The following MRPL34 variants were observed in gnomAD, a reference collection of about 807,000 sequenced individuals.
MRPL34 encodes the protein mitochondrial ribosomal protein L34, also known as large ribosomal subunit protein bL34m.
A neutral mutation model predicts 6.7 loss-of-function variants in MRPL34; 8 were observed. That is an observed-to-expected ratio of 1.20 (90% confidence interval 0.70 to 2.16). MRPL34 has a LOEUF of 2.16. Ranked by LOEUF, MRPL34 falls within the 30% of genes most tolerant of loss-of-function variation. The probability of loss-of-function intolerance (pLI) is 0.00; values close to 1 mark genes in which losing one functional copy is unlikely to be tolerated. For missense variants in MRPL34, 146 were observed against 125.5 expected (o/e 1.16, Z -0.78); for synonymous variants, 59 against 55.1 (o/e 1.07, Z -0.31).
upstream of MRPL34, among the ~76,000 whole-genome samples, chr19:17,299,243 C>CCCCA (rs1555720805): frequency 6.7e-6 from 1 of 148,644 alleles, no homozygotes; most frequent in African/African-American, 2.5e-5. Context: ...GACCCCCCCC[C>CCCCA]CATTCTCTAT....
rs1415170836 is a variant in MRPL34 at position 17,306,458 on chromosome 19, G to C, written c.*79G>C. 7.5e-7 allele frequency: 1 copy of C among 1,338,510 alleles called. No homozygotes were observed. Among genetic ancestry groups the C allele is most frequent in the Non-Finnish European group, 1.0e-6 (1 of 995,672 alleles). The allele number at this position is 1,338,510 out of a possible 1,614,324, so 82.9% of individuals were successfully genotyped here. Reference sequence around the variant, plus strand: ...CCTTGCCTGGCGCTATTTTTGCAGGGAGCTGGGGAGCAGGAACGCCTCGGA... The same window carrying C: ...CCTTGCCTGGCGCTATTTTTGCAGGCAGCTGGGGAGCAGGAACGCCTCGGA... On this transcript the variant is annotated 3_prime_UTR_variant, in exon 2 of 2. Transcript: ENST00000252602.
intron 1 of MRPL34, among the ~76,000 whole-genome samples, chr19:17,295,149 A>G (rs2145652668): frequency 7.9e-6 from 1 of 126,008 alleles, no homozygotes; most frequent in East Asian, 2.4e-4. Context: ...CCCAGGCCGG[A>G]CTGCGGACTG....
At chr19:17,303,631 G>A (rs959614369), upstream of MRPL34, among the ~76,000 whole-genome samples, 1 of 152,196 alleles carries the variant, frequency 6.6e-6, no homozygotes, top group East Asian at 1.9e-4. Context: ...AGGCGGAGAA[G>A]GGGGTTGCAG....
At position 17,306,283 on chromosome 19, in the gene MRPL34, G is replaced by A. The variant is rs774646711; in HGVS notation, c.183G>A (p.Lys61=). The change falls in exon 2 of 2, where the codon AAG becomes AAA. Residue 61 remains lysine, a synonymous_variant. Coordinates refer to ENST00000252602, the MANE Select transcript of MRPL34 (RefSeq NM_023937.4). ...ATCAGCCGAGCAACATCAAACGCAA[G>A]AACAAGCACGGCTGGGTCCGGCGCC... ...NEYQPSNIKR[K]NKHGWVRRLS... 4 of 1,609,408 alleles carry A rather than the reference G, an allele frequency of 2.5e-6. No individual in the cohort carries two copies. The East Asian group carries it at 8.9e-5, about 36-fold the overall frequency.
At chr19:17,297,845 C>T (rs1256528381) in intron 1 of MRPL34, 1 of 151,374 alleles carries the variant, frequency 6.6e-6, no homozygotes, top group Admixed American at 6.6e-5. Flanking sequence ...GTCCTCCCAC[C>T]TCAGCTTCCC....
intron 1 of MRPL34, among the ~76,000 whole-genome samples, chr19:17,295,560 C>T (rs146666257): frequency 1.6e-3 from 242 of 152,232 alleles, no homozygotes; most frequent in African/African-American, 5.7e-3. Flanking sequence ...GCATGCACCA[C>T]CACACCTGGC....
intron 1 of MRPL34, among the ~76,000 whole-genome samples, chr19:17,293,757 G>C (rs1223978254): frequency 6.6e-6 from 1 of 150,800 alleles, no homozygotes; most frequent in Non-Finnish European, 1.5e-5. Context: ...GCAGTGGTGC[G>C]AGCATGGCTC....
At chr19:17,294,137 G>GC in intron 1 of MRPL34, 1 of 897,358 alleles carries the variant, frequency 1.1e-6, no homozygotes, top group Non-Finnish European at 1.7e-6. Flanking sequence ...ACAAGATACA[G>GC]CAACTAGAGG....
upstream of MRPL34, chr19:17,301,623 T>C: frequency 1.3e-6 from 2 of 1,533,690 alleles, no homozygotes; most frequent in Non-Finnish European, 1.8e-6. Context: ...GCATGGTGTG[T>C]CCTGTGAGTG....
At chr19:17,302,522 G>A (rs1399123666), upstream of MRPL34, among the ~76,000 whole-genome samples, 1 of 152,204 alleles carries the variant, frequency 6.6e-6, no homozygotes, top group Non-Finnish European at 1.5e-5. Flanking sequence ...CTCCTGAAAG[G>A]TGAGGCCCTA....
upstream of MRPL34, among the ~76,000 whole-genome samples, chr19:17,302,703 G>A (rs2074126187): frequency 6.6e-6 from 1 of 152,204 alleles, no homozygotes; most frequent in Non-Finnish European, 1.5e-5. Flanking sequence ...TGCTATACAA[G>A]TCCCCAGAGG....
upstream of MRPL34, among the ~76,000 whole-genome samples, chr19:17,300,394 G>C (rs1044677701): frequency 1.3e-5 from 2 of 151,948 alleles, no homozygotes; most frequent in Non-Finnish European, 2.9e-5. Context: ...TGTAGAGCTA[G>C]GGGGTTCTCC....
upstream of MRPL34, chr19:17,300,851 C>T (rs1487399795): frequency 3.8e-6 from 6 of 1,580,400 alleles, no homozygotes; most frequent in Admixed American, 7.0e-5. Context: ...CCAGGGTTCA[C>T]TTACCCGTAG....
At chr19:17,302,778 G>C (rs1272192876), upstream of MRPL34, 1 of 152,408 alleles carries the variant, frequency 6.6e-6, no homozygotes, top group South Asian at 2.1e-4. Flanking sequence ...CCCACTCCTT[G>C]GGCCACCCCC....
Position 17,294,651 on chromosome 19 carries a change from G to C in MRPL34, c.214+1797G>C, listed in dbSNP as rs771790599. 11 of 1,611,270 alleles carry C rather than the reference G, an allele frequency of 6.8e-6. No homozygotes were observed. The South Asian group carries it at 1.2e-4, about 18-fold the overall frequency. The stretch of plus-strand genomic sequence containing the variant: ...CTGGGTTCGCCAGGGCCAGGATCAC[G>C]GTCTTTGGGGTGGGGACACTCACTT... On this transcript the variant is annotated intron_variant, in intron 1 of 2. Transcript: ENST00000595444.
upstream of MRPL34, among the ~76,000 whole-genome samples, chr19:17,299,352 G>A (rs1393891506): frequency 2.0e-5 from 3 of 151,682 alleles, no homozygotes; most frequent in Non-Finnish European, 4.4e-5. Flanking sequence ...ACGAGGTCAG[G>A]AGATCGAGAC....
intron 1 of MRPL34, chr19:17,294,182 G>T: frequency 2.2e-6 from 3 of 1,383,706 alleles, no homozygotes; most frequent in Non-Finnish European, 2.9e-6. Flanking sequence ...CCCTCGGGAA[G>T]AAAGCACGCC....
intron 1 of MRPL34, among the ~76,000 whole-genome samples, chr19:17,297,336 C>T (rs1459615187): frequency 1.3e-5 from 2 of 152,110 alleles, no homozygotes; most frequent in African/African-American, 4.8e-5. Context: ...TGCTCTGTCA[C>T]TCAGGCTGGA....
At chr19:17,305,239 TC>T (rs2074139984), upstream of MRPL34, among the ~76,000 whole-genome samples, 1 of 124,672 alleles carries the variant, frequency 8.0e-6, no homozygotes, top group East Asian at 2.0e-4. Context: ...AAATTTTTCT[TC>T]CTTTTTTTTT....
Sources: allele counts gnomAD v4.1 joint callset (sites outside exome capture counted in the v4.1 genomes callset), GRCh38; gene constraint gnomAD v4.1.1; transcripts MANE v1.5; gene names NCBI Gene and HGNC (gene_info 2026-07-23, HGNC 2026-07-21).